The following MAP7 variants were observed in gnomAD, a reference collection of about 807,000 sequenced individuals.
The protein encoded by MAP7 is ensconsin.
Under a neutral mutation model 94.8 loss-of-function variants are expected in MAP7, and 52 were observed. That is an observed-to-expected ratio of 0.55 (90% confidence interval 0.44 to 0.69). The LOEUF (loss-of-function observed/expected upper bound fraction) is 0.69, where lower values mean the gene tolerates loss of function less well. MAP7 is among the 30% of genes least tolerant of loss of function. The probability of loss-of-function intolerance (pLI) is 0.00; values close to 1 mark genes in which losing one functional copy is unlikely to be tolerated. For synonymous variants in MAP7, 350 were observed against 357.0 expected, an observed-to-expected ratio of 0.98 and a Z score of 0.22; for missense variants, 940 against 964.6, an observed-to-expected ratio of 0.97 and a Z score of 0.34.
intron 1 of MAP7, among the ~76,000 whole-genome samples, chr6:136,454,272 G>GATCGATCGATCTATCT (rs1554258958): frequency 4.2e-4 from 60 of 141,470 alleles, no homozygotes; most frequent in African/African-American, 1.5e-3. Context: ...CTACCTAAAT[G>GATCGATCGATCTATCT]ATCTATCTAT....
intron 6 of MAP7, among the ~76,000 whole-genome samples, chr6:136,382,735 A>G (rs1388502941): frequency 1.3e-5 from 2 of 152,228 alleles, no homozygotes; most frequent in African/African-American, 4.8e-5. Context: ...TACAAAATAT[A>G]TAAATATACA....
chr6:136,401,525 G>A (rs755327812), intron 3 of MAP7, among the ~76,000 whole-genome samples: 41 of 152,204 alleles, frequency 2.7e-4, no homozygotes, highest in South Asian at 6.2e-4. Context: ...GCAAACTATC[G>A]CAAGGACAGA....
At chr6:136,394,931 CATATAT>C (rs144839767) in intron 3 of MAP7, among the ~76,000 whole-genome samples, 1,154 of 27,474 alleles carry the variant, frequency 0.042, 57 homozygotes, top group Non-Finnish European at 0.057. Context: ...AATATTCCAT[CATATAT>C]ATATATATAT....
intron 1 of MAP7, among the ~76,000 whole-genome samples, chr6:136,504,014 A>G (rs145790241): frequency 6.2e-4 from 94 of 152,356 alleles, no homozygotes; most frequent in Non-Finnish European, 1.2e-3. Flanking sequence ...ACTGCAGTAA[A>G]GTCACACTAC....
intron 3 of MAP7, among the ~76,000 whole-genome samples, chr6:136,406,372 G>A (rs914384571): frequency 3.3e-5 from 5 of 152,174 alleles, no homozygotes; most frequent in African/African-American, 1.2e-4. Flanking sequence ...CTTTCTCCAT[G>A]ACAACTGGAT....
chr6:136,344,316 A>G (rs573652346), intron 17 of MAP7, 78 bp from the exon 18 acceptor site: 44 of 633,058 alleles, frequency 7.0e-5, no homozygotes, highest in Non-Finnish European at 1.0e-4. Context: ...CCATAGTAAT[A>G]CCTTAAATTT....
chr6:136,523,499 AACAAAGCTGGACT>A (rs1468929978), intron 1 of MAP7, among the ~76,000 whole-genome samples: 1 of 152,236 alleles, frequency 6.6e-6, no homozygotes, highest in East Asian at 1.9e-4. Context: ...TTTTCCATGG[AACAAAGCTGGACT>A]ACAAAGTGAA....
chr6:136,466,896 A>C, intron 1 of MAP7: 1 of 1,513,588 alleles, frequency 6.6e-7, no homozygotes, highest in Non-Finnish European at 8.8e-7. Context: ...CCGTTTAATC[A>C]TGCTAACTAT....
intron 1 of MAP7, among the ~76,000 whole-genome samples, chr6:136,499,538 C>G (rs1383707415): frequency 6.6e-6 from 1 of 152,088 alleles, no homozygotes; most frequent in Non-Finnish European, 1.5e-5. Context: ...AACTGATGCC[C>G]TTGATCACTC....
intron 3 of MAP7, among the ~76,000 whole-genome samples, chr6:136,393,246 C>T (rs2128676177): frequency 6.6e-6 from 1 of 152,292 alleles, no homozygotes; most frequent in South Asian, 2.1e-4. Flanking sequence ...AACCATGCTT[C>T]TCCCAGATCT....
intron 1 of MAP7, among the ~76,000 whole-genome samples, chr6:136,521,868 C>A (rs1210756052): frequency 1.3e-5 from 2 of 152,210 alleles, no homozygotes; most frequent in Non-Finnish European, 1.5e-5. Context: ...AGTTGGCACA[C>A]ACTTAACATT....
intron 1 of MAP7, among the ~76,000 whole-genome samples, chr6:136,428,911 C>T (rs1486942459): frequency 1.3e-5 from 2 of 152,158 alleles, no homozygotes; most frequent in Non-Finnish European, 2.9e-5. Context: ...TAGACGTGAC[C>T]TTGATCTGAG....
chr6:136,386,842 ACT>A (rs1779303556), intron 5 of MAP7, among the ~76,000 whole-genome samples: 1 of 152,102 alleles, frequency 6.6e-6, no homozygotes. Context: ...TCAGGTTCTC[ACT>A]CTGTCCTCTA....
chr6:136,549,346 G>C (rs1829962235), intron 1 of MAP7, among the ~76,000 whole-genome samples: 1 of 152,198 alleles, frequency 6.6e-6, no homozygotes, highest in African/African-American at 2.4e-5. Context: ...ATCCCCAAGT[G>C]TAGGAAGATA....
chr6:136,362,450 C>T lies in MAP7; in HGVS notation c.1526G>A (p.Arg509Lys). ...GTGTGGAGCAATGTCTCCCATTTAC[C>T]TTTCAAGCTCTTCCTGCTCCCTCCT... ...RERREQEELE[R>K]QKREELAQRV... The change falls in exon 11 of 18, where the codon AGA becomes AAA. Residue 509 changes from arginine (R) to lysine (K), a missense_variant and splice_region_variant. Physicochemically the swap from Arg to Lys is conservative, Grantham distance 26. Coordinates refer to ENST00000354570, the MANE Select transcript of MAP7 (RefSeq NM_003980.6). 2 of 1,613,690 alleles carry T rather than the reference C, an allele frequency of 1.2e-6. No homozygotes were observed. Among genetic ancestry groups the T allele is most frequent in the Non-Finnish European group, 8.5e-7 (1 of 1,179,894 alleles).
chr6:136,419,906 C>A (rs1265019885), intron 2 of MAP7: 1 of 556,668 alleles, frequency 1.8e-6, no homozygotes, highest in East Asian at 3.7e-5. Context: ...ACTATCTTCT[C>A]TTCTATCTCT....
intron 15 of MAP7, among the ~76,000 whole-genome samples, chr6:136,357,260 T>C (rs562259550): frequency 6.6e-6 from 1 of 152,296 alleles, no homozygotes; most frequent in South Asian, 2.1e-4. Flanking sequence ...CTTAGAACAA[T>C]GAGGATTTCA....
At chr6:136,401,448 G>T (rs1039850635) in intron 3 of MAP7, among the ~76,000 whole-genome samples, 2 of 152,166 alleles carry the variant, frequency 1.3e-5, no homozygotes, top group African/African-American at 4.8e-5. Context: ...ATACTATGCA[G>T]CCATAAAAAA....
chr6:136,361,172 T>C lies in MAP7; in HGVS notation c.1534A>G (p.Arg512Gly), dbSNP rs1323815193. 1.2e-6 allele frequency: 2 copies of C among 1,602,760 alleles called. No homozygotes were observed. Among genetic ancestry groups the C allele is most frequent in the Non-Finnish European group, 1.7e-6 (2 of 1,179,930 alleles). The change falls in exon 12 of 18, where the codon AGA (arginine) becomes GGA (glycine). Residue 512 changes from arginine (R) to glycine (G), a missense_variant. Physicochemically the swap from Arg to Gly is moderately radical, Grantham distance 125. Transcript: ENST00000354570. ...REQEELERQKREELAQRVAEE... is the reference protein window; with the variant it reads ...REQEELERQKGEELAQRVAEE... ...GCCACACGTTGAGCCAATTCCTCTC[T>C]CTTTTGTCTGGAAAAAGACAGAACA...
Sources: gnomAD v4.1 joint callset for allele counts (sites outside exome capture counted in the v4.1 genomes callset) on GRCh38, gnomAD v4.1.1 for gene constraint, MANE v1.5 for transcripts, NCBI Gene and HGNC (gene_info 2026-07-23, HGNC 2026-07-21) for gene names.